The following BRAF variants were observed in gnomAD, a reference collection of about 807,000 sequenced individuals.
The protein encoded by BRAF is serine/threonine-protein kinase B-raf.
In BRAF, 16 loss-of-function variants were observed where a neutral mutation model predicts 104.6. That is an observed-to-expected ratio of 0.15 (90% CI 0.10 to 0.23). The LOEUF (loss-of-function observed/expected upper bound fraction) is 0.23, where lower values mean the gene tolerates loss of function less well. BRAF is among the 10% of genes least tolerant of loss of function. The pLI, the probability that BRAF is intolerant of heterozygous loss-of-function variation, is 1.00. For synonymous variants in BRAF, 310 were observed against 341.6 expected, an observed-to-expected ratio of 0.91 and a Z score of 1.02; for missense variants, 541 against 937.3, an observed-to-expected ratio of 0.58 and a Z score of 5.52.
In BRAF at chr7:140,725,739, C is replaced by T. The variant is rs1409026811; in HGVS notation, c.*755G>A. On this transcript the variant is annotated 3_prime_UTR_variant, in exon 20 of 20. Coordinates refer to ENST00000644969, the MANE Select transcript of BRAF (RefSeq NM_001374258.1). ...CAAACACTTATCTTCATTGCTGGAC[C>T]CAATGAGAAAGAAGGCAATGTGTGC... 3 of 1,060,698 alleles carry T rather than the reference C, an allele frequency of 2.8e-6. No individual in the cohort carries two copies. The highest frequency in any genetic ancestry group is 3.4e-6 in the Non-Finnish European group (3 of 876,560). 65.7% of individuals were successfully genotyped at this position (1,060,698 alleles called of 1,614,324 possible).
In BRAF at chr7:140,814,935, T is replaced by C. The variant is rs544437060; in HGVS notation, c.505-5940A>G. ...TTATATGTTTAATTCTTTGAGATAGTACATTAATTTGGTAGTTTGTTTTAC... is the reference window on the plus strand; with the variant it reads ...TTATATGTTTAATTCTTTGAGATAGCACATTAATTTGGTAGTTTGTTTTAC... On this transcript the variant is annotated intron_variant, in intron 3 of 19. Transcript: ENST00000644969. 1.5e-3 allele frequency among the ~76,000 whole-genome samples: 221 copies of C among 150,976 alleles called. 1 individual carries two copies. Among genetic ancestry groups the C allele is most frequent in the Non-Finnish European group, 2.8e-3 (192 of 67,796 alleles).
chr7:140,768,434 C>G (rs1799535113), intron 14 of BRAF, among the ~76,000 whole-genome samples: 1 of 152,068 alleles, frequency 6.6e-6, no homozygotes, highest in South Asian at 2.1e-4. Flanking sequence ...GTTGGTGGGA[C>G]CTTTAAGAGG....
At chr7:140,777,238 G>T (rs1800425688) in intron 13 of BRAF, 150 bp from the exon 13 acceptor site, 2 of 776,754 alleles carry the variant, frequency 2.6e-6, no homozygotes, top group Non-Finnish European at 4.1e-6. Flanking sequence ...ATTTAGAAGA[G>T]ACTGGCAATT....
Position 140,808,998 on chromosome 7 carries a change from A to G in BRAF, c.505-3T>C, listed in dbSNP as rs1240179672. On this transcript the variant is annotated splice_polypyrimidine_tract_variant and splice_region_variant and intron_variant, in intron 3 of 19. Transcript: ENST00000644969. ...GTAACTCCACACCTTGCAGGTACCTATGGTATCATAAATATATTGATAAGA... is the reference window on the plus strand; with the variant it reads ...GTAACTCCACACCTTGCAGGTACCTGTGGTATCATAAATATATTGATAAGA... 2 of 1,604,624 alleles carry G rather than the reference A, an allele frequency of 1.2e-6. No homozygotes were observed. The highest frequency in any genetic ancestry group is 1.3e-5 in the African/African-American group (1 of 74,802).
intron 1 of BRAF, among the ~76,000 whole-genome samples, chr7:140,857,508 G>A (rs1809930112): frequency 6.6e-6 from 1 of 152,178 alleles, no homozygotes; most frequent in African/African-American, 2.4e-5. Flanking sequence ...AATGAACACA[G>A]ATGGAGAATC....
At chr7:140,884,919 AACC>A (rs1182157609) in intron 1 of BRAF, among the ~76,000 whole-genome samples, 9 of 152,182 alleles carry the variant, frequency 5.9e-5, no homozygotes, top group African/African-American at 2.2e-4. Flanking sequence ...TGAAAAAAAT[AACC>A]ACATTTTCCA....
intron 8 of BRAF, among the ~76,000 whole-genome samples, chr7:140,790,039 T>C (rs1801795248): frequency 6.6e-6 from 1 of 152,154 alleles, no homozygotes; most frequent in African/African-American, 2.4e-5. Context: ...CGATAAGATT[T>C]TTAGTGCTGT....
intron 1 of BRAF, among the ~76,000 whole-genome samples, chr7:140,854,884 G>A (rs1437559943): frequency 6.6e-6 from 1 of 152,172 alleles, no homozygotes; most frequent in African/African-American, 2.4e-5. Context: ...GGCGGAGGTT[G>A]CAGTGAGCCG....
At chr7:140,813,768 T>C (rs1258493843) in intron 3 of BRAF, among the ~76,000 whole-genome samples, 1 of 152,156 alleles carries the variant, frequency 6.6e-6, no homozygotes, top group Non-Finnish European at 1.5e-5. Flanking sequence ...TATACAGTAT[T>C]ATGTATCTTA....
chr7:140,843,777 G>A (rs1562990664), intron 2 of BRAF, among the ~76,000 whole-genome samples: 2 of 151,942 alleles, frequency 1.3e-5, no homozygotes, highest in South Asian at 2.1e-4. Context: ...AGGCTGAGGC[G>A]GGCGGATCAC....
chr7:140,920,754 AGAAG>A (rs1291984109), intron 1 of BRAF, among the ~76,000 whole-genome samples: 1 of 152,244 alleles, frequency 6.6e-6, no homozygotes, highest in East Asian at 1.9e-4. Flanking sequence ...GGATGCCTAA[AGAAG>A]GGAGTTCAGT....
chr7:140,759,586 A>G (rs1562944578), intron 14 of BRAF, among the ~76,000 whole-genome samples: 1 of 152,148 alleles, frequency 6.6e-6, no homozygotes, highest in Non-Finnish European at 1.5e-5. Context: ...GGGTTTCACC[A>G]TTTTGGTCAA....
At chr7:140,896,907 A>C (rs1013709981) in intron 1 of BRAF, among the ~76,000 whole-genome samples, 3 of 151,486 alleles carry the variant, frequency 2.0e-5, no homozygotes, top group Admixed American at 2.0e-4. Context: ...AGAGACCTAT[A>C]AACAAATGAA....
At chr7:140,760,105 A>G (rs1260835606) in intron 14 of BRAF, among the ~76,000 whole-genome samples, 1 of 152,166 alleles carries the variant, frequency 6.6e-6, no homozygotes, top group African/African-American at 2.4e-5. Flanking sequence ...GCCACCAGTA[A>G]CTATCATATT....
intron 1 of BRAF, among the ~76,000 whole-genome samples, chr7:140,864,768 G>A (rs1474893652): frequency 6.6e-6 from 1 of 152,192 alleles, no homozygotes; most frequent in Non-Finnish European, 1.5e-5. Flanking sequence ...ATTTGCAGAT[G>A]TATTGGGGCT....
At chr7:140,742,737 T>G (rs1031286989) in intron 17 of BRAF, among the ~76,000 whole-genome samples, 8 of 152,050 alleles carry the variant, frequency 5.3e-5, no homozygotes, top group Non-Finnish European at 1.0e-4. Context: ...CTAACTAAAC[T>G]AAAGAGCTTC....
At chr7:140,871,546 G>A (rs17161750) in intron 1 of BRAF, among the ~76,000 whole-genome samples, 14,493 of 152,012 alleles carry the variant, frequency 0.095, 739 homozygotes, top group South Asian at 0.19. Flanking sequence ...AAGTGTTGAG[G>A]AAACCTACTC....
intron 1 of BRAF, among the ~76,000 whole-genome samples, chr7:140,896,995 T>C (rs962292853): frequency 6.6e-6 from 1 of 151,340 alleles, no homozygotes; most frequent in Admixed American, 6.6e-5. Context: ...CATTAACATA[T>C]AAACTTAATG....
chr7:140,919,106 C>T (rs946549001), intron 1 of BRAF, among the ~76,000 whole-genome samples: 2 of 148,448 alleles, frequency 1.3e-5, no homozygotes, highest in Non-Finnish European at 3.0e-5. Flanking sequence ...GAGATCGCGC[C>T]ACTGCACTCC....
Sources: allele counts gnomAD v4.1 joint callset (sites outside exome capture counted in the v4.1 genomes callset), GRCh38; gene constraint gnomAD v4.1.1; transcripts MANE v1.5; gene names NCBI Gene and HGNC (gene_info 2026-07-23, HGNC 2026-07-21).